The following AHRR variants were observed in gnomAD, a reference collection of about 807,000 sequenced individuals.
AHRR encodes aryl hydrocarbon receptor repressor, also known as ahR repressor.
A neutral mutation model predicts 44.0 loss-of-function variants in AHRR; 28 were observed. The ratio of observed to expected loss-of-function variants is 0.64; its 90% CI spans 0.47 to 0.87. The LOEUF (loss-of-function observed/expected upper bound fraction) is 0.87. Among genes scored for constraint, AHRR ranks in the 40% least tolerant of loss-of-function variants. The pLI is 0.00. For synonymous variants in AHRR, 434 were observed against 407.0 expected (o/e 1.07, Z -0.80); for missense variants, 990 against 953.9 (o/e 1.04, Z -0.50).
At chr5:384,797 G>A (rs1463960861) in intron 4 of AHRR, among the ~76,000 whole-genome samples, 1 of 152,210 alleles carries the variant, frequency 6.6e-6, no homozygotes, top group Non-Finnish European at 1.5e-5. Flanking sequence ...CACGTCTGTT[G>A]TTCTCCTTTG....
chr5:323,164 C>A (rs988039284), intron 1 of AHRR, among the ~76,000 whole-genome samples: 3 of 152,212 alleles, frequency 2.0e-5, no homozygotes, highest in Non-Finnish European at 4.4e-5. Context: ...CCCCCAATTA[C>A]CTATGAGGCA....
intron 5 of AHRR, chr5:421,338 C>G: frequency 2.9e-6 from 2 of 691,842 alleles, no homozygotes; most frequent in Non-Finnish European, 5.3e-6. Context: ...CAGGGGGATG[C>G]CGGTGGGTAT....
chr5:433,047 AAGAC>A, intron 10 of AHRR, 100 bp downstream of exon 10: 1 of 1,374,898 alleles, frequency 7.3e-7, no homozygotes, highest in South Asian at 1.5e-5. Context: ...AAAAATAAAA[AAGAC>A]GACAGCAGCC....
Position 326,462 on chromosome 5 carries a change from T to C in AHRR, c.-11+4643T>C, listed in dbSNP as rs1227419946. Among the ~76,000 whole-genome samples the C allele has an allele frequency of 6.6e-6, 1 of 152,272 alleles. No individual in the cohort carries two copies. The highest frequency in any genetic ancestry group is 1.5e-5 in the Non-Finnish European group (1 of 68,048). ...TGAATAATATTTCATCTTATGAAGA[T>C]ACCACATTCTGTTTACTGATCCCTC... On this transcript the variant is annotated intron_variant, in intron 1 of 10. Coordinates refer to ENST00000684583, the MANE Select transcript of AHRR (RefSeq NM_001377236.1). This position sits in a 1 kb window ranked among gnomAD's most constrained non-coding sequence, Gnocchi z 4.1.
rs752133286 is a variant in AHRR at position 423,854 on chromosome 5, C to T, written c.585C>T (p.Ile195=). 6 of 1,605,010 alleles carry T rather than the reference C, an allele frequency of 3.7e-6. No homozygotes were observed. The East Asian group carries it at 1.1e-4, about 30-fold the overall frequency. Residue 195 remains isoleucine, a synonymous_variant, in exon 7 of 11, where the codon ATC becomes ATT. Transcript: ENST00000684583. ...TATGGTCTGCAGGAGATGATGCTAT[C>T]CTGGGGAGGCTGCTCAGGGCCCAGG... is the stretch of plus-strand genomic sequence containing the variant. ...PPPLETGDDA[I]LGRLLRAQEW... is the part of the protein sequence containing the mutation.
intron 2 of AHRR, among the ~76,000 whole-genome samples, chr5:344,995 G>C (rs1742563054): frequency 7.6e-6 from 1 of 131,456 alleles, no homozygotes. Flanking sequence ...GTGAGGCTGT[G>C]TGTGGGGAGT....
intron 4 of AHRR, among the ~76,000 whole-genome samples, chr5:377,870 AGAGGCATG>A (rs1733801134): frequency 6.6e-6 from 1 of 152,184 alleles, no homozygotes; most frequent in South Asian, 2.1e-4. Flanking sequence ...AGACTTTGGA[AGAGGCATG>A]GAGGCTGGGG....
At chr5:401,159 C>A (rs1316546871) in intron 4 of AHRR, among the ~76,000 whole-genome samples, 4 of 152,234 alleles carry the variant, frequency 2.6e-5, no homozygotes, top group Admixed American at 2.0e-4. Context: ...TTCTAACAAC[C>A]CCTTGGGGTG....
At chr5:364,360 G>A (rs1279510445) in intron 3 of AHRR, among the ~76,000 whole-genome samples, 2 of 152,104 alleles carry the variant, frequency 1.3e-5, no homozygotes, top group African/African-American at 2.4e-5. Flanking sequence ...AACACCTTGT[G>A]TAAAATAATA....
intron 5 of AHRR, among the ~76,000 whole-genome samples, chr5:415,648 C>CCGAATCTGCCTGGTCTGCT (rs1560916386): frequency 1.9e-5 from 2 of 105,208 alleles, no homozygotes; most frequent in African/African-American, 6.8e-5. Flanking sequence ...CCTGGTGGGG[C>CCGAATCTGCCTGGTCTGCT]GGGAGGCCTA....
chr5:394,020 G>A (rs181330277), intron 4 of AHRR, among the ~76,000 whole-genome samples: 90 of 152,294 alleles, frequency 5.9e-4, no homozygotes, highest in African/African-American at 2.1e-3. Flanking sequence ...CTTTGGTTCT[G>A]GACATTCTGT....
At chr5:400,089 A>C (rs1405446414) in intron 4 of AHRR, among the ~76,000 whole-genome samples, 1 of 152,150 alleles carries the variant, frequency 6.6e-6, no homozygotes, top group Non-Finnish European at 1.5e-5. Context: ...GTGGCTCCGT[A>C]ACCGTGGCAA....
At chr5:391,344 C>A (rs560349699) in intron 4 of AHRR, among the ~76,000 whole-genome samples, 1 of 120,374 alleles carries the variant, frequency 8.3e-6, no homozygotes, top group East Asian at 2.2e-4. Flanking sequence ...GCGAGGCGGG[C>A]GCAGGGCGAG....
chr5:407,664 C>T (rs1241680399), intron 4 of AHRR, among the ~76,000 whole-genome samples: 4 of 152,182 alleles, frequency 2.6e-5, no homozygotes, highest in Non-Finnish European at 5.9e-5. Flanking sequence ...CTCAGCCTCC[C>T]GAGTAGCTGG....
At chr5:324,776 T>G (rs1337706376) in intron 1 of AHRR, among the ~76,000 whole-genome samples, 2 of 151,432 alleles carry the variant, frequency 1.3e-5, no homozygotes, top group Admixed American at 1.3e-4. Flanking sequence ...GCAACAAGAG[T>G]GAAACTCCGT....
chr5:334,842 TTTG>T lies in AHRR; in HGVS notation c.-10-9044_-10-9042del, dbSNP rs1239332025. Among the ~76,000 whole-genome samples the T allele has an allele frequency of 2.6e-5, 4 of 151,912 alleles. No homozygotes were observed. In the South Asian group the frequency reaches 6.2e-4, roughly 24 times the overall value. On this transcript the variant is annotated intron_variant, in intron 1 of 10. Coordinates refer to ENST00000684583, the MANE Select transcript of AHRR (RefSeq NM_001377236.1). ...GCTTTTTCTTGTTTTGGGGTTTACT[TTTG>T]TTGTTGGGGGGCACCTTTTACTGGA...
At chr5:433,749 T>G (rs1736849921) in intron 10 of AHRR, 104 bp from the exon 11 acceptor site, 1 of 1,289,922 alleles carries the variant, frequency 7.8e-7, no homozygotes, top group Non-Finnish European at 1.0e-6. Context: ...TTGGCAGATT[T>G]AGCATCGTCC....
chr5:350,923 C>CA (rs11401796), intron 2 of AHRR, among the ~76,000 whole-genome samples: 3,581 of 151,802 alleles, frequency 0.024, 133 homozygotes, highest in African/African-American at 0.08. Flanking sequence ...AAAAACAACC[C>CA]AATTTAAAAC....
At chr5:403,546 G>A (rs1735116945) in intron 4 of AHRR, among the ~76,000 whole-genome samples, 1 of 150,548 alleles carries the variant, frequency 6.6e-6, no homozygotes, top group Non-Finnish European at 1.5e-5. Context: ...TGCAGCAGGA[G>A]AACTGCTTGA....
Sources: allele counts gnomAD v4.1 joint callset (sites outside exome capture counted in the v4.1 genomes callset), GRCh38; gene constraint gnomAD v4.1.1; non-coding constraint Gnocchi (gnomAD v3.1); transcripts MANE v1.5; gene names NCBI Gene and HGNC (gene_info 2026-07-23, HGNC 2026-07-21).